RTF2: variants seen among roughly 807,000 people sequenced by gnomAD.
RTF2 encodes the protein UPF0549 protein C20orf43.
RTF2 carries 18 observed loss-of-function variants against 38.0 expected under a neutral mutation model. The ratio of observed to expected loss-of-function variants is 0.47; its 90% confidence interval spans 0.33 to 0.70. The LOEUF (loss-of-function observed/expected upper bound fraction) is 0.70. Ranked by LOEUF, RTF2 falls within the 30% of genes least tolerant of loss-of-function variation. The probability of loss-of-function intolerance (pLI) is 0.02; values close to 1 mark genes in which losing one functional copy is unlikely to be tolerated. For missense variants in RTF2, 311 were observed against 379.6 expected (o/e 0.82, Z 1.50); for synonymous variants, 126 against 137.1 (o/e 0.92, Z 0.57).
intron 3 of RTF2, 113 bp from the exon 4 acceptor site, chr20:56,476,872 G>A (rs1487897331): frequency 1.0e-6 from 1 of 952,664 alleles, no homozygotes; most frequent in African/African-American, 1.6e-5. Flanking sequence ...GTAACTGTGA[G>A]GGAGAGGTTT....
In RTF2 at chr20:56,519,200, G is replaced by C. The variant is rs560874435; in HGVS notation, c.*935G>C. The stretch of plus-strand genomic sequence containing the variant: ...ACTGGTTCTCTATACAGACCCCGGG[G>C]CCCTGGGTTTCCTTCAGAAGCAGAA... On this transcript the variant is annotated 3_prime_UTR_variant, in exon 9 of 9. Transcript: ENST00000357348. The C allele has an allele frequency of 6.6e-6, 1 of 152,316 alleles. No homozygotes were observed. The highest frequency in any genetic ancestry group is 1.5e-5 in the Non-Finnish European group (1 of 68,092). 9.4% of individuals were successfully genotyped at this position (152,316 alleles called of 1,614,324 possible).
intron 5 of RTF2, among the ~76,000 whole-genome samples, chr20:56,507,091 A>G (rs1455186048): frequency 6.6e-6 from 1 of 152,234 alleles, no homozygotes; most frequent in Non-Finnish European, 1.5e-5. Flanking sequence ...AAATGGATGT[A>G]TAATTTCTAC....
At chr20:56,474,839 A>G (rs1982157024) in intron 3 of RTF2, 68 bp downstream of exon 3, 2 of 1,036,814 alleles carry the variant, frequency 1.9e-6, no homozygotes, top group Admixed American at 2.4e-5. Context: ...TATAGAATTT[A>G]TACGCCTTAA....
intron 5 of RTF2, chr20:56,496,604 C>T (rs1983555039): frequency 2.1e-5 from 31 of 1,462,706 alleles, no homozygotes; most frequent in Non-Finnish European, 2.8e-5. Flanking sequence ...TTGCTGCTGA[C>T]TGCACAGGCA....
chr20:56,509,241 C>T (rs1876932526), intron 5 of RTF2, among the ~76,000 whole-genome samples: 2 of 152,134 alleles, frequency 1.3e-5, no homozygotes, highest in African/African-American at 4.8e-5. Flanking sequence ...TGAAAAGATG[C>T]TTAACATCTC....
chr20:56,495,675 A>G (rs1983481961), intron 5 of RTF2, among the ~76,000 whole-genome samples: 1 of 152,108 alleles, frequency 6.6e-6, no homozygotes, highest in Non-Finnish European at 1.5e-5. Flanking sequence ...CTCGGAGATT[A>G]TTTGAAAATC....
chr20:56,517,081 T>A, intron 7 of RTF2, 25 bp from the exon 8 acceptor site: 1 of 1,613,326 alleles, frequency 6.2e-7, no homozygotes, highest in Non-Finnish European at 8.5e-7. Flanking sequence ...TTGTTTTTGC[T>A]TTGCCTACTT....
At chr20:56,470,524 G>T (rs1600789540) in intron 1 of RTF2, 2 of 452,132 alleles carry the variant, frequency 4.4e-6, no homozygotes, top group South Asian at 1.6e-5. Flanking sequence ...TGTGAAATCT[G>T]CCCTGGTTCC....
intron 5 of RTF2, among the ~76,000 whole-genome samples, chr20:56,509,644 T>C (rs1055660956): frequency 6.8e-6 from 1 of 147,078 alleles, no homozygotes; most frequent in African/African-American, 2.5e-5. Context: ...CGATGACAGG[T>C]GTTGGGAAGG....
intron 5 of RTF2, chr20:56,491,484 A>C: frequency 1.1e-6 from 1 of 921,174 alleles, no homozygotes; most frequent in Non-Finnish European, 1.7e-6. Flanking sequence ...TCATTTTCCC[A>C]CTTCTTTGGT....
chr20:56,490,537 G>A (rs997808044), intron 5 of RTF2, among the ~76,000 whole-genome samples: 2 of 152,198 alleles, frequency 1.3e-5, no homozygotes, highest in African/African-American at 4.8e-5. Flanking sequence ...ACTTAAGGCC[G>A]GGTGCGGTGG....
intron 4 of RTF2, among the ~76,000 whole-genome samples, chr20:56,480,019 G>A (rs757889829): frequency 1.3e-5 from 2 of 152,116 alleles, no homozygotes; most frequent in Non-Finnish European, 2.9e-5. Flanking sequence ...AAGTCACCAG[G>A]CACGTTAGAC....
chr20:56,475,250 G>T (rs1056581459), intron 3 of RTF2, among the ~76,000 whole-genome samples: 1 of 152,062 alleles, frequency 6.6e-6, no homozygotes, highest in African/African-American at 2.4e-5. Context: ...TTTTAAATAT[G>T]GTCAGTGGGG....
intron 2 of RTF2, 45 bp downstream of exon 2, chr20:56,473,440 T>TGAG (rs11471796): frequency 0.8 from 1,111,502 of 1,382,212 alleles, 450,185 homozygotes; most frequent in East Asian, 1. Context: ...TAAGTGATTT[T>TGAG]GAGAATTTTG....
At chr20:56,485,528 G>T (rs147228969) in intron 5 of RTF2, among the ~76,000 whole-genome samples, 190 of 152,292 alleles carry the variant, frequency 1.2e-3, no homozygotes, top group Non-Finnish European at 2.0e-3. Flanking sequence ...AATCCTAGAC[G>T]TGGAGGAGGA....
At chr20:56,500,797 T>C (rs1439649494) in intron 5 of RTF2, among the ~76,000 whole-genome samples, 1 of 152,104 alleles carries the variant, frequency 6.6e-6, no homozygotes, top group Non-Finnish European at 1.5e-5. Context: ...AAACTTTTTT[T>C]TGAGACAAGG....
chr20:56,495,651 TCTCTGTAACAGCC>T (rs1421352613), intron 5 of RTF2, among the ~76,000 whole-genome samples: 1 of 152,180 alleles, frequency 6.6e-6, no homozygotes, highest in Non-Finnish European at 1.5e-5. Context: ...TGGATTGTTT[TCTCTGTAACAGCC>T]CTCGGAGATT....
intron 4 of RTF2, among the ~76,000 whole-genome samples, chr20:56,479,208 A>AT (rs911516789): frequency 6.6e-6 from 1 of 151,730 alleles, no homozygotes; most frequent in East Asian, 1.9e-4. Context: ...TGAATCACAG[A>AT]TTTTTTTTGT....
At chr20:56,481,754 G>T (rs542038940) in intron 4 of RTF2, among the ~76,000 whole-genome samples, 12 of 152,224 alleles carry the variant, frequency 7.9e-5, no homozygotes, top group Admixed American at 2.6e-4. Context: ...ACCTCTATCT[G>T]GTTCCAGAAC....
Sources: gnomAD v4.1 joint callset for allele counts (sites outside exome capture counted in the v4.1 genomes callset) on GRCh38, gnomAD v4.1.1 for gene constraint, MANE v1.5 for transcripts, NCBI Gene and HGNC (gene_info 2026-07-23, HGNC 2026-07-21) for gene names.